SEMA6D: variants seen among roughly 807,000 people sequenced by gnomAD.
SEMA6D encodes semaphorin 6D.
Under a neutral mutation model 106.6 loss-of-function variants are expected in SEMA6D, and 35 were observed. The observed-to-expected ratio is 0.33, with a 90% CI of 0.25 to 0.44. The LOEUF (loss-of-function observed/expected upper bound fraction) is 0.44. SEMA6D is among the 20% of genes least tolerant of loss of function. The probability of loss-of-function intolerance (pLI) is 1.00; values close to 1 mark genes in which losing one functional copy is unlikely to be tolerated. For missense variants in SEMA6D, 1,185 were observed against 1,345.9 expected (o/e 0.88, Z 1.87); for synonymous variants, 499 against 487.7 (o/e 1.02, Z -0.31).
intron 3 of SEMA6D, among the ~76,000 whole-genome samples, chr15:47,599,083 G>A (rs1222597182): frequency 6.6e-6 from 1 of 152,060 alleles, no homozygotes; most frequent in Non-Finnish European, 1.5e-5. Context: ...ATCTGCTAGG[G>A]ATGCAGATTT....
intron 1 of SEMA6D, among the ~76,000 whole-genome samples, chr15:47,210,921 T>C (rs1355227637): frequency 2.0e-5 from 3 of 152,130 alleles, no homozygotes; most frequent in Non-Finnish European, 2.9e-5. Flanking sequence ...TTTTTTTGTT[T>C]CCAGAGATGT....
At chr15:47,597,404 A>C (rs1482042586) in intron 3 of SEMA6D, among the ~76,000 whole-genome samples, 1 of 152,078 alleles carries the variant, frequency 6.6e-6, no homozygotes, top group African/African-American at 2.4e-5. Flanking sequence ...TTATGAAGAG[A>C]TAGCTAAACT....
At chr15:47,437,227 G>T (rs2041746564) in intron 2 of SEMA6D, among the ~76,000 whole-genome samples, 1 of 152,032 alleles carries the variant, frequency 6.6e-6, no homozygotes, top group Admixed American at 6.6e-5. Context: ...ATTGTATTAT[G>T]TGCCCATTCA....
intron 1 of SEMA6D, among the ~76,000 whole-genome samples, chr15:47,307,304 C>T (rs1468163657): frequency 6.6e-6 from 1 of 152,072 alleles, no homozygotes; most frequent in African/African-American, 2.4e-5. Context: ...TTGGGCAAAC[C>T]AAACCTCTTA....
chr15:47,208,293 G>A (rs1353982783), intron 1 of SEMA6D, among the ~76,000 whole-genome samples: 2 of 152,002 alleles, frequency 1.3e-5, no homozygotes, highest in Non-Finnish European at 2.9e-5. Context: ...TACCGAATAA[G>A]TATTACCTAT....
At chr15:47,637,030 A>G (rs73392805) in intron 4 of SEMA6D, among the ~76,000 whole-genome samples, 5,218 of 152,192 alleles carry the variant, frequency 0.034, 293 homozygotes, top group African/African-American at 0.12. Context: ...TGTGATGCTG[A>G]TGAAAAAAAG....
At chr15:47,767,165 C>G (rs923691123) in intron 17 of SEMA6D, 72 bp downstream of exon 17, 1 of 1,010,072 alleles carries the variant, frequency 9.9e-7, no homozygotes, top group Non-Finnish European at 1.5e-6. Context: ...AGCCCCTTCT[C>G]CCCTCCTTTT....
chr15:47,599,956 GCTTCCA>G (rs2076614151), intron 3 of SEMA6D, among the ~76,000 whole-genome samples: 2 of 151,968 alleles, frequency 1.3e-5, no homozygotes, highest in African/African-American at 4.8e-5. Context: ...GAGAGGAAAA[GCTTCCA>G]GTTCCTAGGG....
At chr15:47,222,136 CTGTT>C (rs1210225702) in intron 1 of SEMA6D, among the ~76,000 whole-genome samples, 2 of 152,150 alleles carry the variant, frequency 1.3e-5, no homozygotes, top group East Asian at 1.9e-4. Flanking sequence ...AGTTCCCAGT[CTGTT>C]TGACCAGGGA....
chr15:47,234,283 A>G (rs1206550323), intron 1 of SEMA6D, among the ~76,000 whole-genome samples: 1 of 152,020 alleles, frequency 6.6e-6, no homozygotes, highest in Admixed American at 6.6e-5. Flanking sequence ...TCTAAGGCAG[A>G]GACTAATGCA....
chr15:47,771,977 G>T lies in SEMA6D; in HGVS notation c.*192G>T. On this transcript the variant is annotated 3_prime_UTR_variant, in exon 19 of 19. Coordinates refer to ENST00000536845, the MANE Select transcript of SEMA6D (RefSeq NM_001358351.3). Reference sequence around the variant, plus strand: ...ACTGCAGCAAGGCTTCTGTGTACTTGCCTGAAAACAAAGGAAGGTGCTGGT... The same window carrying T: ...ACTGCAGCAAGGCTTCTGTGTACTTTCCTGAAAACAAAGGAAGGTGCTGGT... The T allele has an allele frequency of 1.7e-6, 1 of 595,106 alleles. No homozygotes were observed. The highest frequency in any genetic ancestry group is 2.4e-5 in the South Asian group (1 of 42,404). 36.9% of individuals were successfully genotyped at this position (595,106 alleles called of 1,614,324 possible).
chr15:47,214,727 A>G (rs918034822), intron 1 of SEMA6D, among the ~76,000 whole-genome samples: 1 of 152,192 alleles, frequency 6.6e-6, no homozygotes, highest in Admixed American at 6.5e-5. Flanking sequence ...GGAAATTGTG[A>G]TCACTTCTAA....
At chr15:47,738,191 C>T (rs555489577) in intron 1 of SEMA6D, among the ~76,000 whole-genome samples, 2 of 152,214 alleles carry the variant, frequency 1.3e-5, no homozygotes, top group East Asian at 3.9e-4. Flanking sequence ...TGTTGTTCCC[C>T]TCTCTGTGTC....
intron 3 of SEMA6D, among the ~76,000 whole-genome samples, chr15:47,521,099 C>T (rs1185503566): frequency 6.6e-6 from 1 of 152,136 alleles, no homozygotes; most frequent in East Asian, 1.9e-4. Flanking sequence ...GACAAGATGG[C>T]AGTTGTGCCC....
At chr15:47,364,466 C>A (rs1046447159) in intron 1 of SEMA6D, among the ~76,000 whole-genome samples, 1 of 152,162 alleles carries the variant, frequency 6.6e-6, no homozygotes, top group African/African-American at 2.4e-5. Flanking sequence ...CAGGGACCTG[C>A]TCAGGGTCAA....
In SEMA6D at chr15:47,388,841, G is replaced by C. The variant is rs146756387; in HGVS notation, c.-238-23552G>C. On this transcript the variant is annotated intron_variant, in intron 1 of 19. Transcript: ENST00000558014. ...AAGATTTAGACACTTGCCACAAATGGGTTAGACATTTGGCTCCAGATTTTC... is the reference window on the plus strand; with the variant it reads ...AAGATTTAGACACTTGCCACAAATGCGTTAGACATTTGGCTCCAGATTTTC... 3.7e-3 allele frequency among the ~76,000 whole-genome samples: 561 copies of C among 152,208 alleles called. 6 individuals carry two copies. Among genetic ancestry groups the C allele is most frequent in the African/African-American group, 0.013 (537 of 41,530 alleles).
At position 47,444,357 on chromosome 15, in the gene SEMA6D, T is replaced by C. The variant is rs75993681; in HGVS notation, c.-158-26117T>C. Among the ~76,000 whole-genome samples the C allele has an allele frequency of 3.0e-3, 457 of 152,218 alleles. 1 individual carries two copies. The highest frequency in any genetic ancestry group is 0.011 in the African/African-American group (442 of 41,552). ...ATGACTTTCAGTGGAGATGGGATAT[T>C]TTAAGCCTGAAATAAAGTGCTAGGG... On this transcript the variant is annotated intron_variant, in intron 2 of 19. Coordinates refer to the SEMA6D transcript ENST00000558014.
intron 1 of SEMA6D, among the ~76,000 whole-genome samples, chr15:47,300,863 T>C (rs1457579194): frequency 6.6e-6 from 1 of 152,210 alleles, no homozygotes; most frequent in African/African-American, 2.4e-5. Context: ...TGATGCTGCA[T>C]CTTAAATATG....
chr15:47,761,548 A>G (rs2082062038), intron 6 of SEMA6D, 113 bp from the exon 7 acceptor site: 4 of 1,245,134 alleles, frequency 3.2e-6, no homozygotes, highest in East Asian at 2.3e-5. Flanking sequence ...TAGTGCAATG[A>G]AAGAATAAAG....
Sources: allele counts gnomAD v4.1 joint callset (sites outside exome capture counted in the v4.1 genomes callset), GRCh38; gene constraint gnomAD v4.1.1; transcripts MANE v1.5; gene names NCBI Gene and HGNC (gene_info 2026-07-23, HGNC 2026-07-21).